Variants in PARD6B observed in about 807,000 individuals in gnomAD.
PARD6B encodes the protein partitioning defective 6 homolog beta.
A neutral mutation model predicts 10.5 loss-of-function variants in PARD6B; 4 were observed. The ratio of observed to expected loss-of-function variants is 0.38; its 90% CI spans 0.19 to 0.87. The LOEUF (loss-of-function observed/expected upper bound fraction) is 0.87, where lower values mean the gene tolerates loss of function less well. Ranked by LOEUF, PARD6B falls within the 40% of genes least tolerant of loss-of-function variation. The pLI is 0.41. For synonymous variants in PARD6B, 169 were observed against 170.4 expected, an observed-to-expected ratio of 0.99 and a Z score of 0.07; for missense variants, 396 against 470.6, an observed-to-expected ratio of 0.84 and a Z score of 1.47.
intron 2 of PARD6B, among the ~76,000 whole-genome samples, chr20:50,739,807 C>A (rs2087520683): frequency 7.5e-6 from 1 of 134,122 alleles, no homozygotes; most frequent in African/African-American, 2.9e-5. Flanking sequence ...AGCAGTCTTA[C>A]AGTAGAGAGC....
intron 1 of PARD6B, among the ~76,000 whole-genome samples, chr20:50,736,945 G>A (rs552547336): frequency 5.9e-5 from 9 of 152,210 alleles, no homozygotes; most frequent in East Asian, 1.9e-4. Flanking sequence ...TGATCCTCCC[G>A]CCTCAGCCTC....
intron 2 of PARD6B, among the ~76,000 whole-genome samples, chr20:50,738,649 T>A (rs1460072843): frequency 1.3e-5 from 2 of 152,228 alleles, no homozygotes; most frequent in East Asian, 3.8e-4. Flanking sequence ...GTAAATACTT[T>A]CTTTCTTTTA....
In PARD6B at chr20:50,753,096, A is replaced by C. The variant is rs1472569549; in HGVS notation, c.*2608A>C. ...CTCTCTTTTTTTTTTTAAAGTTTTAACATCAGAACTTTTGGGGGAAAAACT... is the reference window on the plus strand; with the variant it reads ...CTCTCTTTTTTTTTTTAAAGTTTTACCATCAGAACTTTTGGGGGAAAAACT... On this transcript the variant is annotated 3_prime_UTR_variant, in exon 3 of 3. Transcript: ENST00000371610. 3.0e-6 allele frequency: 3 copies of C among 984,222 alleles called. No homozygotes were observed. The African/African-American group carries it at 5.3e-5, about 17-fold the overall frequency. 61.0% of individuals were successfully genotyped at this position (984,222 alleles called of 1,614,324 possible). A position where few individuals can be genotyped will look rare whatever the true frequency, so the allele number is the denominator to read the frequency against.
chr20:50,731,751 G>A lies in PARD6B; in HGVS notation c.-36G>A. On this transcript the variant is annotated 5_prime_UTR_variant, in exon 1 of 3. Transcript: ENST00000371610. Reference sequence around the variant, plus strand: ...TCCCCGCGCTCCTGAGGGGCCGCCCGGCCGGAGGAGGCCGTCGCGGGGCTC... The same window carrying A: ...TCCCCGCGCTCCTGAGGGGCCGCCCAGCCGGAGGAGGCCGTCGCGGGGCTC... The A allele has an allele frequency of 7.0e-7, 1 of 1,435,442 alleles. No homozygotes were observed. Among genetic ancestry groups the A allele is most frequent in the South Asian group, 1.4e-5 (1 of 71,908 alleles). The allele number at this position is 1,435,442 out of a possible 1,614,324, so 88.9% of individuals were successfully genotyped here.
At chr20:50,734,638 G>C (rs1350051173) in intron 1 of PARD6B, among the ~76,000 whole-genome samples, 1 of 152,088 alleles carries the variant, frequency 6.6e-6, no homozygotes, top group African/African-American at 2.4e-5. Flanking sequence ...GGGACTACAG[G>C]CGTGAGCCAC....
In PARD6B at chr20:50,751,242, G is replaced by C. The variant is rs2087606742; in HGVS notation, c.*754G>C. On this transcript the variant is annotated 3_prime_UTR_variant, in exon 3 of 3. Coordinates refer to ENST00000371610, the MANE Select transcript of PARD6B (RefSeq NM_032521.3). ...TCGGCTTCCCAAAATGCTAGGATTA[G>C]AGCCACCATGCCCAGCCTATTTTGA... 1.0e-6 allele frequency: 1 copy of C among 966,874 alleles called. No individual in the cohort carries two copies. Among genetic ancestry groups the C allele is most frequent in the Non-Finnish European group, 1.2e-6 (1 of 814,834 alleles). The allele number at this position is 966,874 out of a possible 1,614,324, so 59.9% of individuals were successfully genotyped here. A position where few individuals can be genotyped will look rare whatever the true frequency, so the allele number is the denominator to read the frequency against.
At chr20:50,744,255 C>A (rs2087551622) in intron 2 of PARD6B, among the ~76,000 whole-genome samples, 1 of 151,792 alleles carries the variant, frequency 6.6e-6, no homozygotes, top group Non-Finnish European at 1.5e-5. Context: ...GGTGGGATTA[C>A]AGGCATGCGC....
At chr20:50,734,709 C>T (rs1368077315) in intron 1 of PARD6B, among the ~76,000 whole-genome samples, 1 of 151,892 alleles carries the variant, frequency 6.6e-6, no homozygotes, top group Non-Finnish European at 1.5e-5. Context: ...TTTTTAGAGA[C>T]AGGGTTTTGC....
chr20:50,745,603 G>A (rs117253602), intron 2 of PARD6B, among the ~76,000 whole-genome samples: 8,477 of 152,188 alleles, frequency 0.056, 269 homozygotes, highest in African/African-American at 0.074. Flanking sequence ...AGGCTCAAGT[G>A]ATCCTCCCAC....
intron 2 of PARD6B, among the ~76,000 whole-genome samples, chr20:50,741,579 G>A (rs935461667): frequency 2.0e-4 from 30 of 151,962 alleles, no homozygotes; most frequent in Non-Finnish European, 4.0e-4. Flanking sequence ...GAGTGGGGAC[G>A]GAGTCTAGCT....
chr20:50,736,957 C>T (rs1600814757), intron 1 of PARD6B, among the ~76,000 whole-genome samples: 1 of 152,188 alleles, frequency 6.6e-6, no homozygotes, highest in East Asian at 1.9e-4. Context: ...CTCAGCCTCT[C>T]AAAGTGCTGG....
At chr20:50,734,125 T>C (rs970137550) in intron 1 of PARD6B, among the ~76,000 whole-genome samples, 1 of 152,250 alleles carries the variant, frequency 6.6e-6, no homozygotes, top group Non-Finnish European at 1.5e-5. Flanking sequence ...AGGCAAGATA[T>C]AGGTAGTGAG....
At position 50,734,241 on chromosome 20, in the gene PARD6B, T is replaced by C. The variant is rs867405079; in HGVS notation, c.66+2389T>C. On this transcript the variant is annotated intron_variant, in intron 1 of 2. Coordinates refer to ENST00000371610, the MANE Select transcript of PARD6B (RefSeq NM_032521.3). ...TGTCACCTTAACCATTTAAAAAATA[T>C]TTGGAAGGGTTTTTGAAACAGTATT... is the stretch of plus-strand genomic sequence containing the variant. 1.4e-4 allele frequency among the ~76,000 whole-genome samples: 22 copies of C among 152,272 alleles called. No homozygotes were observed. The Middle Eastern group carries it at 0.01, about 71-fold the overall frequency.
rs200551215 is a variant in PARD6B at position 50,738,095 on chromosome 20, T to C, written c.289+16T>C. On this transcript the variant is annotated intron_variant, in intron 2 of 2. Coordinates refer to ENST00000371610, the MANE Select transcript of PARD6B (RefSeq NM_032521.3). ...CAAAAGAAGGGTAAGTATCACTGTT[T>C]AGAAAAATTGTGTTAGAAATAGAAA... 2.2e-5 allele frequency: 34 copies of C among 1,533,704 alleles called. 1 individual carries two copies. In the Middle Eastern group the frequency reaches 4.0e-3, roughly 180 times the overall value.
intron 2 of PARD6B, among the ~76,000 whole-genome samples, chr20:50,742,018 G>GCAT (rs1329303665): frequency 6.6e-6 from 1 of 152,024 alleles, no homozygotes; most frequent in Non-Finnish European, 1.5e-5. Flanking sequence ...TTTCAGTTAG[G>GCAT]CATCAGTAAG....
At position 50,737,962 on chromosome 20, in the gene PARD6B, G is replaced by A. The variant is rs142377445; in HGVS notation, c.172G>A (p.Val58Ile). The change falls in exon 2 of 3, where the codon GTT (valine) becomes ATT (isoleucine). Residue 58 changes from valine (V) to isoleucine (I), a missense_variant. Physicochemically the swap from Val to Ile is conservative, Grantham distance 29. This residue lies in a region of PARD6B where 208 missense variants were observed against 300.9 expected (regional missense o/e 0.69). Transcript: ENST00000371610. ...TGTTCATAAGATCCCCAATGTTGAC[G>A]TTTTGGTAGGCTATGCAGACATCCA... ...QHVHKIPNVD[V>I]LVGYADIHGD... 474 of 1,613,162 alleles carry A rather than the reference G, an allele frequency of 2.9e-4. 2 individuals are homozygous for A. The highest frequency in any genetic ancestry group is 1.6e-4 in the Non-Finnish European group (191 of 1,179,626).
chr20:50,748,929 A>G (rs1305376927), intron 2 of PARD6B, among the ~76,000 whole-genome samples: 4 of 152,160 alleles, frequency 2.6e-5, no homozygotes, highest in African/African-American at 7.2e-5. Context: ...CTCCTAGCAC[A>G]TTGAGAGGCT....
chr20:50,739,128 G>A (rs929090345), intron 2 of PARD6B, among the ~76,000 whole-genome samples: 1 of 151,728 alleles, frequency 6.6e-6, no homozygotes, highest in South Asian at 2.1e-4. Context: ...AAAGACTTAC[G>A]GTATTTATAA....
intron 1 of PARD6B, among the ~76,000 whole-genome samples, chr20:50,736,196 A>C (rs2087498462): frequency 6.6e-6 from 1 of 152,238 alleles, no homozygotes; most frequent in Admixed American, 6.5e-5. Context: ...GTGTAAGCAG[A>C]GCAGGTGAAC....
Sources: allele counts gnomAD v4.1 joint callset (sites outside exome capture counted in the v4.1 genomes callset), GRCh38; gene constraint gnomAD v4.1.1; regional missense constraint gnomAD v4.1.1; transcripts MANE v1.5; gene names NCBI Gene and HGNC (gene_info 2026-07-23, HGNC 2026-07-21).